Variants in AGBL4 observed in about 807,000 individuals in gnomAD.
AGBL4 encodes cytosolic carboxypeptidase 6.
AGBL4 carries 58 observed loss-of-function variants against 66.4 expected under a neutral mutation model. That is an observed-to-expected ratio of 0.87 (90% CI 0.71 to 1.09). AGBL4 has a LOEUF of 1.09. Ranked by LOEUF, AGBL4 falls within the 50% of genes least tolerant of loss-of-function variation. The pLI, the probability that AGBL4 is intolerant of heterozygous loss-of-function variation, is 0.00. For synonymous variants in AGBL4, 234 were observed against 222.9 expected, an observed-to-expected ratio of 1.05 and a Z score of -0.44; for missense variants, 579 against 631.0, an observed-to-expected ratio of 0.92 and a Z score of 0.88.
At chr1:49,566,627 G>T (rs563983832) in intron 3 of AGBL4, among the ~76,000 whole-genome samples, 1 of 152,276 alleles carries the variant, frequency 6.6e-6, no homozygotes, top group Admixed American at 6.5e-5. Context: ...TTGGTGAACC[G>T]CAAATGCTGC....
At chr1:49,148,648 C>T (rs1646266804) in intron 4 of AGBL4, among the ~76,000 whole-genome samples, 1 of 152,180 alleles carries the variant, frequency 6.6e-6, no homozygotes, top group Non-Finnish European at 1.5e-5. Flanking sequence ...GGGTCCTGGT[C>T]ACTAGACGTG....
At chr1:49,528,985 T>A (rs2148811162) in intron 3 of AGBL4, among the ~76,000 whole-genome samples, 1 of 152,222 alleles carries the variant, frequency 6.6e-6, no homozygotes, top group South Asian at 2.1e-4. Context: ...ATGAACTTAA[T>A]TTTAAACACT....
At chr1:49,628,626 C>T (rs1645510208) in intron 3 of AGBL4, among the ~76,000 whole-genome samples, 1 of 152,130 alleles carries the variant, frequency 6.6e-6, no homozygotes, top group African/African-American at 2.4e-5. Flanking sequence ...GAGCAATCGA[C>T]TCCTTCCTAT....
intron 9 of AGBL4, among the ~76,000 whole-genome samples, chr1:48,598,824 CT>C (rs913168622): frequency 2.0e-5 from 3 of 151,988 alleles, no homozygotes; most frequent in African/African-American, 7.2e-5. Context: ...ATAAATCAAC[CT>C]TAGCTTACTG....
intron 6 of AGBL4, among the ~76,000 whole-genome samples, chr1:48,811,554 A>T (rs1264364254): frequency 1.3e-5 from 2 of 152,206 alleles, no homozygotes; most frequent in African/African-American, 4.8e-5. Context: ...AAACTCAATG[A>T]GCAACTTGGA....
At chr1:48,877,790 C>T (rs950588826) in intron 5 of AGBL4, among the ~76,000 whole-genome samples, 7 of 151,948 alleles carry the variant, frequency 4.6e-5, no homozygotes, top group African/African-American at 1.7e-4. Flanking sequence ...GGATTAGGAG[C>T]ACAGAGATAG....
At chr1:49,137,992 T>C (rs1333220442) in intron 4 of AGBL4, among the ~76,000 whole-genome samples, 5 of 151,970 alleles carry the variant, frequency 3.3e-5, no homozygotes, top group African/African-American at 9.7e-5. Flanking sequence ...TACACGAAGA[T>C]AGGGAGCAGG....
chr1:48,706,940 G>A (rs1225277398), intron 6 of AGBL4, among the ~76,000 whole-genome samples: 1 of 152,204 alleles, frequency 6.6e-6, no homozygotes, highest in Non-Finnish European at 1.5e-5. Context: ...CTTGAGTGAA[G>A]CACCCCAGCT....
chr1:49,059,060 T>G (rs1266200674), intron 4 of AGBL4, among the ~76,000 whole-genome samples: 1 of 152,190 alleles, frequency 6.6e-6, no homozygotes, highest in Admixed American at 6.5e-5. Flanking sequence ...GAAATTTGCA[T>G]AAGTAACAAG....
intron 3 of AGBL4, among the ~76,000 whole-genome samples, chr1:49,446,466 T>C (rs1646158631): frequency 1.3e-5 from 2 of 152,298 alleles, no homozygotes; most frequent in South Asian, 4.1e-4. Flanking sequence ...GCATTATTAG[T>C]GCTTTCTGTG....
chr1:48,580,875 T>C (rs992723867), intron 11 of AGBL4, among the ~76,000 whole-genome samples: 1 of 152,210 alleles, frequency 6.6e-6, no homozygotes, highest in African/African-American at 2.4e-5. Flanking sequence ...ATCCTTTGGA[T>C]GTAGCATCCT....
intron 6 of AGBL4, among the ~76,000 whole-genome samples, chr1:48,861,602 C>A (rs1480322390): frequency 6.6e-6 from 1 of 152,188 alleles, no homozygotes; most frequent in Non-Finnish European, 1.5e-5. Flanking sequence ...AATAGGCATA[C>A]TTCTCCACTG....
rs186650315 is a variant in AGBL4, at chr1:49,599,244, T to G, written c.282+98069A>C. Among the ~76,000 whole-genome samples the G allele has an allele frequency of 1.0e-3, 157 of 152,326 alleles. 4 individuals are homozygous for G. Among genetic ancestry groups the G allele is most frequent in the Non-Finnish European group, 8.8e-5 (6 of 68,022 alleles). ...AATCCATCTGGTCCTGGACTTTTTT[T>G]GGTTGGTAGGCTATTAATTACTGCC... is the stretch of plus-strand genomic sequence containing the variant. On this transcript the variant is annotated intron_variant, in intron 3 of 13. Coordinates refer to ENST00000371839, the MANE Select transcript of AGBL4 (RefSeq NM_032785.4).
In AGBL4 at chr1:48,957,836, A is replaced by G. The variant is rs112800701; in HGVS notation, c.594+87748T>C. Among the ~76,000 whole-genome samples the G allele has an allele frequency of 1.1e-3, 162 of 152,262 alleles. 1 individual carries two copies. The highest frequency in any genetic ancestry group is 3.6e-3 in the African/African-American group (149 of 41,548). On this transcript the variant is annotated intron_variant, in intron 5 of 13. Coordinates refer to ENST00000371839, the MANE Select transcript of AGBL4 (RefSeq NM_032785.4). The stretch of plus-strand genomic sequence containing the variant: ...ATGATGATCAATCAATCAATTAATC[A>G]TCAATCAATTCATCACAGCCAGAGA...
chr1:49,546,674 T>C (rs1195773156), intron 3 of AGBL4, among the ~76,000 whole-genome samples: 1 of 152,130 alleles, frequency 6.6e-6, no homozygotes, highest in African/African-American at 2.4e-5. Flanking sequence ...ATCTACTGTT[T>C]TTTGATTTTT....
intron 5 of AGBL4, among the ~76,000 whole-genome samples, chr1:49,024,021 T>G (rs1441685272): frequency 6.6e-6 from 1 of 152,126 alleles, no homozygotes; most frequent in East Asian, 1.9e-4. Context: ...TGAGAGCAAT[T>G]GGCAAGGTAT....
At chr1:49,207,736 A>G in intron 4 of AGBL4, among the ~76,000 whole-genome samples, 1 of 150,788 alleles carries the variant, frequency 6.6e-6, no homozygotes, top group Admixed American at 6.6e-5. Context: ...ATATTATAGC[A>G]CATACCACCA....
chr1:50,023,236 G>C (rs1262366244), intron 1 of AGBL4, among the ~76,000 whole-genome samples: 1 of 152,126 alleles, frequency 6.6e-6, no homozygotes, highest in African/African-American at 2.4e-5. Context: ...TGACCCTGAG[G>C]ACACTGCACA....
At chr1:49,648,998 T>A (rs1379893354) in intron 3 of AGBL4, among the ~76,000 whole-genome samples, 2 of 152,134 alleles carry the variant, frequency 1.3e-5, no homozygotes, top group African/African-American at 4.8e-5. Flanking sequence ...AAAATATATA[T>A]AACTATGCAT....
Sources: allele counts gnomAD v4.1 joint callset (sites outside exome capture counted in the v4.1 genomes callset), GRCh38; gene constraint gnomAD v4.1.1; transcripts MANE v1.5; gene names NCBI Gene and HGNC (gene_info 2026-07-23, HGNC 2026-07-21).